MITF: variants seen among roughly 807,000 people sequenced by gnomAD.
MITF encodes melanocyte inducing transcription factor.
MITF carries 17 observed loss-of-function variants against 60.5 expected under a neutral mutation model. The observed-to-expected ratio is 0.28, with a 90% CI of 0.19 to 0.42. MITF has a LOEUF of 0.42. MITF is among the 10% of genes least tolerant of loss of function. The pLI is 1.00. For synonymous variants in MITF, 260 were observed against 248.5 expected (o/e 1.05, Z -0.43); for missense variants, 622 against 683.5 (o/e 0.91, Z 1.00).
chr3:69,763,604 G>C (rs2062243082), intron 1 of MITF: 1 of 1,210,132 alleles, frequency 8.3e-7, no homozygotes, highest in Non-Finnish European at 1.0e-6. Context: ...GCGTGTGGCA[G>C]AACGTCTGCA....
At chr3:69,963,552 A>C (rs781338391) in intron 9 of MITF, among the ~76,000 whole-genome samples, 2 of 152,170 alleles carry the variant, frequency 1.3e-5, no homozygotes, top group Non-Finnish European at 2.9e-5. Flanking sequence ...TAGCATTTTT[A>C]TTTTGTTATT....
intron 1 of MITF, among the ~76,000 whole-genome samples, chr3:69,761,243 T>G (rs933761799): frequency 2.0e-5 from 3 of 152,180 alleles, no homozygotes; most frequent in Non-Finnish European, 4.4e-5. Flanking sequence ...ATAATTTACA[T>G]CTAGGTGAAT....
At chr3:69,860,523 G>A (rs1445816826) in intron 1 of MITF, among the ~76,000 whole-genome samples, 1 of 150,604 alleles carries the variant, frequency 6.6e-6, no homozygotes, top group Non-Finnish European at 1.5e-5. Flanking sequence ...GCGTGAACCC[G>A]GAAGGCGGAG....
intron 1 of MITF, among the ~76,000 whole-genome samples, chr3:69,760,252 A>G (rs1220891875): frequency 2.0e-5 from 3 of 152,136 alleles, no homozygotes; most frequent in Non-Finnish European, 2.9e-5. Flanking sequence ...CCACAGAGAG[A>G]TTATGGACCA....
At chr3:69,772,159 T>G (rs151181381) in intron 1 of MITF, among the ~76,000 whole-genome samples, 14 of 152,328 alleles carry the variant, frequency 9.2e-5, no homozygotes, top group African/African-American at 3.4e-4. Context: ...TATGTTAGTT[T>G]GGGTCTGGTT....
At chr3:69,787,932 G>A (rs887678460) in intron 1 of MITF, among the ~76,000 whole-genome samples, 1 of 152,148 alleles carries the variant, frequency 6.6e-6, no homozygotes, top group East Asian at 1.9e-4. Context: ...GCTGTGCTAA[G>A]TGCTTTATTT....
At chr3:69,834,990 G>C (rs1269097590) in intron 1 of MITF, among the ~76,000 whole-genome samples, 1 of 129,726 alleles carries the variant, frequency 7.7e-6, no homozygotes, top group Non-Finnish European at 1.7e-5. Flanking sequence ...CTTTTGAAAA[G>C]TGTCTATTAA....
At chr3:69,866,411 T>C in intron 1 of MITF, 1 of 1,595,674 alleles carries the variant, frequency 6.3e-7, no homozygotes. Flanking sequence ...TTTTTTCTCT[T>C]TAAGGGGGAG....
At chr3:69,817,510 T>C (rs2063199878) in intron 1 of MITF, among the ~76,000 whole-genome samples, 1 of 152,026 alleles carries the variant, frequency 6.6e-6, no homozygotes, top group Non-Finnish European at 1.5e-5. Flanking sequence ...GATGGATGTG[T>C]GTGTGGTGTG....
chr3:69,909,452 G>A (rs185985647), intron 2 of MITF, among the ~76,000 whole-genome samples: 2 of 152,296 alleles, frequency 1.3e-5, no homozygotes, highest in East Asian at 1.9e-4. Context: ...ATGTGGAAGC[G>A]ACTTTGGAAT....
intron 1 of MITF, among the ~76,000 whole-genome samples, chr3:69,802,148 A>C (rs1360090309): frequency 6.6e-6 from 1 of 152,184 alleles, no homozygotes; most frequent in East Asian, 1.9e-4. Context: ...TAGCTCCCAG[A>C]AGACATTGGG....
intron 2 of MITF, among the ~76,000 whole-genome samples, chr3:69,899,621 A>G (rs2064954177): frequency 6.6e-6 from 1 of 152,164 alleles, no homozygotes; most frequent in South Asian, 2.1e-4. Context: ...GGAGTCATCT[A>G]AGCTCTTCAG....
chr3:69,764,423 A>G (rs961925881), intron 1 of MITF, among the ~76,000 whole-genome samples: 1 of 152,158 alleles, frequency 6.6e-6, no homozygotes, highest in African/African-American at 2.4e-5. Flanking sequence ...CCACTTCCTC[A>G]TTTTGCTATT....
At chr3:69,963,518 T>C (rs2107548246) in intron 9 of MITF, among the ~76,000 whole-genome samples, 1 of 152,314 alleles carries the variant, frequency 6.6e-6, no homozygotes, top group East Asian at 1.9e-4. Flanking sequence ...TTTGAAAAAA[T>C]AAAACATATA....
At chr3:69,744,442 C>T (rs1703645886) in intron 1 of MITF, among the ~76,000 whole-genome samples, 1 of 152,106 alleles carries the variant, frequency 6.6e-6, no homozygotes. Context: ...ACTGGGTGAC[C>T]TTGGGCAGGC....
chr3:69,742,916 A>G (rs1246819383), intron 1 of MITF, among the ~76,000 whole-genome samples: 1 of 151,916 alleles, frequency 6.6e-6, no homozygotes, highest in Non-Finnish European at 1.5e-5. Context: ...TTTTTTTCCC[A>G]TAGGGCTTAT....
chr3:69,809,647 A>T (rs1283528684), intron 1 of MITF, among the ~76,000 whole-genome samples: 6 of 148,088 alleles, frequency 4.1e-5, no homozygotes, highest in African/African-American at 1.5e-4. Context: ...TTTTTTTGGC[A>T]GAAGACTTGC....
chr3:69,874,533 T>G (rs371802413), intron 1 of MITF, among the ~76,000 whole-genome samples: 3 of 152,222 alleles, frequency 2.0e-5, no homozygotes, highest in Admixed American at 6.5e-5. Context: ...GAGAGGCAGA[T>G]GTATTGCGAA....
At chr3:69,962,862 GGT>G (rs763543462) in intron 9 of MITF, among the ~76,000 whole-genome samples, 1 of 152,164 alleles carries the variant, frequency 6.6e-6, no homozygotes, top group Non-Finnish European at 1.5e-5. Flanking sequence ...CCACTGACTG[GGT>G]GGTAAACAAG....
Sources: gnomAD v4.1 joint callset for allele counts (sites outside exome capture counted in the v4.1 genomes callset) on GRCh38, gnomAD v4.1.1 for gene constraint, MANE v1.5 for transcripts, NCBI Gene and HGNC (gene_info 2026-07-23, HGNC 2026-07-21) for gene names.